FAM135B: variants seen among roughly 807,000 people sequenced by gnomAD.
The protein encoded by FAM135B is family with sequence similarity 135 member B.
FAM135B carries 43 observed loss-of-function variants against 127.7 expected under a neutral mutation model. The observed-to-expected ratio is 0.34, with a 90% CI of 0.26 to 0.43. The LOEUF (loss-of-function observed/expected upper bound fraction) is 0.43, where lower values mean the gene tolerates loss of function less well. Ranked by LOEUF, FAM135B falls within the 20% of genes least tolerant of loss-of-function variation. FAM135B has a pLI of 1.00. For synonymous variants in FAM135B, 670 were observed against 665.1 expected (o/e 1.01, Z -0.11); for missense variants, 1,558 against 1,725.6 (o/e 0.90, Z 1.72).
chr8:138,143,214 T>A lies in FAM135B; in HGVS notation c.3541-105A>T, dbSNP rs183792446. The A allele has an allele frequency of 1.1e-3, 717 of 672,154 alleles. 5 individuals carry two copies. Among genetic ancestry groups the A allele is most frequent in the Middle Eastern group, 6.7e-3 (27 of 4,030 alleles). 41.6% of individuals were successfully genotyped at this position (672,154 alleles called of 1,614,324 possible). A position where few individuals can be genotyped will look rare whatever the true frequency, so the allele number is the denominator to read the frequency against. ...TAAACACTGTGGCGCCTACTGGGGA[T>A]GTGCCTACCTCTGATGTTACGGCTA... On this transcript the variant is annotated intron_variant, in intron 15 of 19. Transcript: ENST00000395297.
chr8:138,167,269 C>T (rs1820021611), intron 12 of FAM135B, among the ~76,000 whole-genome samples: 1 of 152,076 alleles, frequency 6.6e-6, no homozygotes, highest in African/African-American at 2.4e-5. Context: ...GATCTCGGTT[C>T]ACTGCAACCT....
At chr8:138,461,917 G>A (rs1447475568) in intron 1 of FAM135B, among the ~76,000 whole-genome samples, 1 of 152,150 alleles carries the variant, frequency 6.6e-6, no homozygotes, top group Non-Finnish European at 1.5e-5. Flanking sequence ...ACCCAGAGCA[G>A]CATGATTCAT....
At position 138,325,325 on chromosome 8, in the gene FAM135B, G is replaced by A. The variant is rs114698732; in HGVS notation, c.78-14405C>T. 4.9e-3 allele frequency among the ~76,000 whole-genome samples: 749 copies of A among 152,256 alleles called. 6 individuals carry two copies. Among genetic ancestry groups the A allele is most frequent in the African/African-American group, 0.016 (653 of 41,560 alleles). The stretch of plus-strand genomic sequence containing the variant: ...AACTTCACATTGGTATCTTGAAATT[G>A]GCCTTGGTGGGAGTATTTATAGCAT... On this transcript the variant is annotated intron_variant, in intron 2 of 19. Transcript: ENST00000395297.
chr8:138,361,296 G>A (rs1226428657), intron 2 of FAM135B, among the ~76,000 whole-genome samples: 1 of 152,068 alleles, frequency 6.6e-6, no homozygotes, highest in Non-Finnish European at 1.5e-5. Flanking sequence ...CATTTGAGCA[G>A]CATTGATTTA....
In FAM135B at chr8:138,197,507, G is replaced by C. The variant is rs1816751066; in HGVS notation, c.823+9C>G. ...CTGGGATGGGCTTGCCCCTGTCCTGGGCCCTTACCCAGCTCCGTGTGTGGC... is the reference window on the plus strand; with the variant it reads ...CTGGGATGGGCTTGCCCCTGTCCTGCGCCCTTACCCAGCTCCGTGTGTGGC... On this transcript the variant is annotated intron_variant, in intron 8 of 19. Coordinates refer to ENST00000395297, the MANE Select transcript of FAM135B (RefSeq NM_015912.4). 1.2e-6 allele frequency: 2 copies of C among 1,613,276 alleles called. No individual in the cohort carries two copies. The highest frequency in any genetic ancestry group is 1.3e-5 in the African/African-American group (1 of 75,034).
chr8:138,481,806 T>C (rs1271878037), intron 1 of FAM135B, among the ~76,000 whole-genome samples: 1 of 152,224 alleles, frequency 6.6e-6, no homozygotes, highest in Non-Finnish European at 1.5e-5. Flanking sequence ...TCCCAGCCTC[T>C]TCAGGGAATT....
intron 7 of FAM135B, among the ~76,000 whole-genome samples, chr8:138,212,920 G>T (rs923042818): frequency 6.6e-6 from 1 of 152,078 alleles, no homozygotes; most frequent in Non-Finnish European, 1.5e-5. Flanking sequence ...TTATAATGTG[G>T]CTTGAAGGTC....
intron 12 of FAM135B, among the ~76,000 whole-genome samples, chr8:138,163,594 A>G (rs1819617746): frequency 6.6e-6 from 1 of 152,102 alleles, no homozygotes; most frequent in African/African-American, 2.4e-5. Context: ...AAACCCTTTC[A>G]CTTGGCTCTC....
intron 2 of FAM135B, among the ~76,000 whole-genome samples, chr8:138,325,487 G>A (rs932255676): frequency 2.6e-5 from 4 of 152,136 alleles, no homozygotes; most frequent in African/African-American, 7.2e-5. Context: ...CCCAAACAGA[G>A]GAAGTAAATG....
Position 138,152,852 on chromosome 8 carries a change from T to C in FAM135B, c.1623A>G (p.Pro541=). Residue 541 remains proline (P), a synonymous_variant, in exon 13 of 20, where the codon CCA becomes CCG. Coordinates refer to ENST00000395297, the MANE Select transcript of FAM135B (RefSeq NM_015912.4). ...VADVDTSRRS[P]GPEDGQAPVL... is the part of the protein sequence containing the mutation. ...CTGGGGCCTGTCCATCCTCTGGACC[T>C]GGACTCCTTCTAGAAGTATCCACAT... The C allele has an allele frequency of 6.2e-7, 1 of 1,614,222 alleles. No individual in the cohort carries two copies. The highest frequency in any genetic ancestry group is 8.5e-7 in the Non-Finnish European group (1 of 1,180,020).
intron 1 of FAM135B, among the ~76,000 whole-genome samples, chr8:138,417,256 T>C (rs1459189910): frequency 1.3e-5 from 2 of 152,208 alleles, no homozygotes; most frequent in Non-Finnish European, 2.9e-5. Flanking sequence ...CCAGAGTCCC[T>C]GCCTGACTGC....
At chr8:138,255,630 G>A (rs2130532925) in intron 5 of FAM135B, among the ~76,000 whole-genome samples, 1 of 152,296 alleles carries the variant, frequency 6.6e-6, no homozygotes, top group African/African-American at 2.4e-5. Flanking sequence ...AGATGTGTGT[G>A]CTTTGGAAAA....
intron 7 of FAM135B, among the ~76,000 whole-genome samples, chr8:138,226,439 G>A (rs770371274): frequency 2.6e-5 from 4 of 152,146 alleles, no homozygotes; most frequent in Non-Finnish European, 5.9e-5. Context: ...AGGAATTCAC[G>A]TTTAAACTGA....
intron 3 of FAM135B, chr8:138,309,157 A>G (rs1284546618): frequency 1.2e-5 from 4 of 324,394 alleles, no homozygotes; most frequent in Non-Finnish European, 2.5e-5. Context: ...TCCAATGTAC[A>G]CATATGGACA....
intron 1 of FAM135B, among the ~76,000 whole-genome samples, chr8:138,429,472 C>A (rs889059307): frequency 2.6e-5 from 4 of 152,138 alleles, no homozygotes; most frequent in Non-Finnish European, 4.4e-5. Flanking sequence ...ATTTTAACTG[C>A]ACCTTCTTGG....
intron 2 of FAM135B, among the ~76,000 whole-genome samples, chr8:138,351,626 G>A (rs886884093): frequency 1.4e-5 from 2 of 147,060 alleles, no homozygotes; most frequent in Non-Finnish European, 3.0e-5. Context: ...TGGATACTTT[G>A]TAACAGCAAC....
intron 3 of FAM135B, among the ~76,000 whole-genome samples, chr8:138,304,438 G>A (rs1251617601): frequency 6.6e-6 from 1 of 152,214 alleles, no homozygotes; most frequent in African/African-American, 2.4e-5. Flanking sequence ...GCTACGTGCT[G>A]CATGCCTATA....
chr8:138,243,019 T>TGTCTGGGCCACCTTTACCAAGCCAGGA lies in FAM135B; in HGVS notation c.565_591dup (p.Ser189_Asp197dup). The TGTCTGGGCCACCTTTACCAAGCCAGGA allele has an allele frequency of 6.2e-7, 1 of 1,613,844 alleles. No individual in the cohort carries two copies. Among genetic ancestry groups the TGTCTGGGCCACCTTTACCAAGCCAGGA allele is most frequent in the Non-Finnish European group, 8.5e-7 (1 of 1,179,902 alleles). On this transcript the variant is annotated inframe_insertion, in exon 7 of 20. Transcript: ENST00000395297. The surrounding 1 kb of genome is among the most constrained non-coding windows in gnomAD (Gnocchi z 7.5). ...GAAATGATAGACTGTTCTTGTCCGG[T>TGTCTGGGCCACCTTTACCAAGCCAGGA]GTCTGGGCCACCTTTACCAAGCCAG...
chr8:138,182,729 A>G (rs1815182412), intron 9 of FAM135B, among the ~76,000 whole-genome samples: 1 of 152,218 alleles, frequency 6.6e-6, no homozygotes, highest in South Asian at 2.1e-4. Flanking sequence ...TTCAAGGTGA[A>G]TAGACATTAA....
Sources: allele counts gnomAD v4.1 joint callset (sites outside exome capture counted in the v4.1 genomes callset), GRCh38; gene constraint gnomAD v4.1.1; non-coding constraint Gnocchi (gnomAD v3.1); transcripts MANE v1.5; gene names NCBI Gene and HGNC (gene_info 2026-07-23, HGNC 2026-07-21).